PLN: variants seen among roughly 807,000 people sequenced by gnomAD.
PLN encodes phospholamban.
A neutral mutation model predicts 3.9 loss-of-function variants in PLN; 1 was observed. The ratio of observed to expected loss-of-function variants is 0.26; its 90% CI spans 0.09 to 1.23. The LOEUF (loss-of-function observed/expected upper bound fraction) is 1.23. Ranked by LOEUF, PLN falls within the 50% of genes most tolerant of loss-of-function variation. The probability of loss-of-function intolerance (pLI) is 0.48; values close to 1 mark genes in which losing one functional copy is unlikely to be tolerated. For missense variants in PLN, 59 were observed against 62.7 expected (o/e 0.94, Z 0.20); for synonymous variants, 21 against 20.5 (o/e 1.02, Z -0.07).
Position 118,560,471 on chromosome 6 carries a change from G to A in PLN, c.*1391G>A, listed in dbSNP as rs1779160699. ...TCTTCACATTGAGTAGGCAGAGGAG[G>A]AGAAAGATGGGGAGGAAGAGAAGGC... On this transcript the variant is annotated 3_prime_UTR_variant, in exon 2 of 2. Coordinates refer to ENST00000357525, the MANE Select transcript of PLN (RefSeq NM_002667.5). The A allele has an allele frequency of 6.0e-6, 1 of 167,034 alleles. No homozygotes were observed. Among genetic ancestry groups the A allele is most frequent in the African/African-American group, 2.4e-5 (1 of 41,444 alleles). 10.3% of individuals were successfully genotyped at this position (167,034 alleles called of 1,614,324 possible). A position where few individuals can be genotyped will look rare whatever the true frequency, so the allele number is the denominator to read the frequency against.
intron 1 of PLN, 21 bp from the exon 2 acceptor site, chr6:118,558,804 T>A: frequency 1.3e-6 from 1 of 743,034 alleles, no homozygotes; most frequent in Non-Finnish European, 2.4e-6. Context: ...TTCTAATCCA[T>A]TTATTATTTT....
intron 1 of PLN, among the ~76,000 whole-genome samples, chr6:118,557,247 C>T (rs1562258163): frequency 2.6e-5 from 4 of 152,120 alleles, no homozygotes; most frequent in Non-Finnish European, 5.9e-5. Flanking sequence ...ATCCAGGGAA[C>T]AATTTGTTGT....
rs774556120 is a variant in PLN, at chr6:118,558,957, A to G, written c.36A>G (p.Ile12Met). ...EKVQYLTRSA[I>M]RRASTIEMPQ... Reference sequence around the variant, plus strand: ...TCCAATACCTCACTCGCTCAGCTATAAGAAGAGCCTCAACCATTGAAATGC... The same window carrying G: ...TCCAATACCTCACTCGCTCAGCTATGAGAAGAGCCTCAACCATTGAAATGC... Residue 12 changes from isoleucine (I) to methionine (M), a missense_variant, in exon 2 of 2, where the codon ATA becomes ATG. By Grantham distance (10) the Ile-to-Met change is conservative. Coordinates refer to ENST00000357525, the MANE Select transcript of PLN (RefSeq NM_002667.5). 3.1e-6 allele frequency: 5 copies of G among 1,613,544 alleles called. No homozygotes were observed. The East Asian group carries it at 1.1e-4, about 36-fold the overall frequency.
At chr6:118,553,128 T>C (rs1218448488) in intron 1 of PLN, among the ~76,000 whole-genome samples, 1 of 150,830 alleles carries the variant, frequency 6.6e-6, no homozygotes, top group Non-Finnish European at 1.5e-5. Flanking sequence ...TCTAAAAAGA[T>C]CAGATAACAT....
chr6:118,559,976 G>C lies in PLN; in HGVS notation c.*896G>C. On this transcript the variant is annotated 3_prime_UTR_variant, in exon 2 of 2. Transcript: ENST00000357525. ...TATCTTTGGAATCATGAAACCTTAA[G>C]ACTTCAGAATGATTTTGCAGGTTGT... The C allele has an allele frequency of 6.0e-6, 1 of 167,138 alleles. No individual in the cohort carries two copies. 10.4% of individuals were successfully genotyped at this position (167,138 alleles called of 1,614,324 possible). A position where few individuals can be genotyped will look rare whatever the true frequency, so the allele number is the denominator to read the frequency against.
Position 118,560,864 on chromosome 6 carries a change from A to G in PLN, c.*1784A>G, listed in dbSNP as rs944736758. The G allele has an allele frequency of 4.6e-5, 7 of 152,506 alleles. No homozygotes were observed. The highest frequency in any genetic ancestry group is 3.9e-4 in the Admixed American group (6 of 15,290). The allele number at this position is 152,506 out of a possible 1,614,324, so 9.4% of individuals were successfully genotyped here. A position where few individuals can be genotyped will look rare whatever the true frequency, so the allele number is the denominator to read the frequency against. ...GACTAAAGTTTAAAATTAAGTCTAA[A>G]ATAGTTTACACCTATACTGCATAAT... On this transcript the variant is annotated 3_prime_UTR_variant, in exon 2 of 2. Transcript: ENST00000357525.
In PLN at chr6:118,560,374, A is replaced by C. The variant is rs951182196; in HGVS notation, c.*1294A>C. On this transcript the variant is annotated 3_prime_UTR_variant, in exon 2 of 2. Transcript: ENST00000357525. ...TAGAGAAAATGTTATTTAGAAAATC[A>C]TAAGAAAGAGAAAATATATTTACTA... 1 of 167,008 alleles carries C rather than the reference A, an allele frequency of 6.0e-6. No homozygotes were observed. Among genetic ancestry groups the C allele is most frequent in the Non-Finnish European group, 1.5e-5 (1 of 68,128 alleles). The allele number at this position is 167,008 out of a possible 1,614,324, so 10.3% of individuals were successfully genotyped here. A position where few individuals can be genotyped will look rare whatever the true frequency, so the allele number is the denominator to read the frequency against.
At chr6:118,555,660 C>T (rs985340299) in intron 1 of PLN, among the ~76,000 whole-genome samples, 20 of 152,030 alleles carry the variant, frequency 1.3e-4, no homozygotes, top group Non-Finnish European at 2.2e-4. Context: ...TTATTTTTAA[C>T]TTTTGTTTTA....
chr6:118,554,237 C>T (rs1022239925), intron 1 of PLN, among the ~76,000 whole-genome samples: 3 of 152,020 alleles, frequency 2.0e-5, no homozygotes, highest in African/African-American at 7.3e-5. Flanking sequence ...CAGTGAGCCA[C>T]GATTGCACAA....
At position 118,559,971 on chromosome 6, in the gene PLN, C is replaced by T. The variant is rs886061004; in HGVS notation, c.*891C>T. ...TACTATATCTTTGGAATCATGAAAC[C>T]TTAAGACTTCAGAATGATTTTGCAG... On this transcript the variant is annotated 3_prime_UTR_variant, in exon 2 of 2. Transcript: ENST00000357525. 5 of 167,016 alleles carry T rather than the reference C, an allele frequency of 3.0e-5. No homozygotes were observed. The highest frequency in any genetic ancestry group is 2.0e-4 in the Admixed American group (3 of 15,268). The allele number at this position is 167,016 out of a possible 1,614,324, so 10.3% of individuals were successfully genotyped here. A position where few individuals can be genotyped will look rare whatever the true frequency, so the allele number is the denominator to read the frequency against.
chr6:118,550,912 T>C (rs1583028044), intron 1 of PLN, among the ~76,000 whole-genome samples: 1 of 151,734 alleles, frequency 6.6e-6, no homozygotes, highest in Non-Finnish European at 1.5e-5. Flanking sequence ...AAACCAGAAA[T>C]ATACGAAAAT....
chr6:118,552,347 G>C (rs141386776), intron 1 of PLN, among the ~76,000 whole-genome samples: 6 of 152,012 alleles, frequency 3.9e-5, no homozygotes, highest in Admixed American at 6.6e-5. Flanking sequence ...AGTATAGATG[G>C]AGATTAATGC....
chr6:118,550,676 C>T (rs1271816623), intron 1 of PLN, among the ~76,000 whole-genome samples: 1 of 151,870 alleles, frequency 6.6e-6, no homozygotes, highest in African/African-American at 2.4e-5. Context: ...AAGCCACATG[C>T]ACATCCTCTA....
chr6:118,555,221 G>A (rs1176906777), intron 1 of PLN, among the ~76,000 whole-genome samples: 2 of 152,042 alleles, frequency 1.3e-5, no homozygotes, highest in Non-Finnish European at 2.9e-5. Context: ...CACGAGGTCG[G>A]GAGATCGAGA....
chr6:118,556,418 T>C (rs1400176328), intron 1 of PLN, among the ~76,000 whole-genome samples: 4 of 152,306 alleles, frequency 2.6e-5, no homozygotes, highest in South Asian at 4.1e-4. Context: ...AAATGCCCAG[T>C]CTACTATATA....
chr6:118,554,599 C>T (rs1195730513), intron 1 of PLN, among the ~76,000 whole-genome samples: 1 of 152,132 alleles, frequency 6.6e-6, no homozygotes, highest in African/African-American at 2.4e-5. Context: ...AACTATCAGT[C>T]TAGCTGGGGA....
rs761056344 is a variant in PLN at position 118,558,994 on chromosome 6, C to T, written c.73C>T (p.Arg25Cys). Residue 25 changes from arginine (R) to cysteine (C), a missense_variant, in exon 2 of 2, where the codon CGT becomes TGT. Transcript: ENST00000357525. ...AACCATTGAAATGCCTCAACAAGCA[C>T]GTCAAAAGCTACAGAATCTATTTAT... ...ASTIEMPQQA[R>C]QKLQNLFINF... The T allele has an allele frequency of 1.2e-5, 19 of 1,609,908 alleles. No homozygotes were observed. The highest frequency in any genetic ancestry group is 1.2e-4 in the Admixed American group (7 of 59,992).
In PLN at chr6:118,560,213, T is replaced by G. The variant is rs879001246; in HGVS notation, c.*1133T>G. The G allele has an allele frequency of 4.8e-5, 8 of 167,128 alleles. No individual in the cohort carries two copies. In the South Asian group the frequency reaches 1.7e-3, roughly 35 times the overall value. The allele number at this position is 167,128 out of a possible 1,614,324, so 10.4% of individuals were successfully genotyped here. A position where few individuals can be genotyped will look rare whatever the true frequency, so the allele number is the denominator to read the frequency against. On this transcript the variant is annotated 3_prime_UTR_variant, in exon 2 of 2. Transcript: ENST00000357525. The stretch of plus-strand genomic sequence containing the variant: ...ACATGGGGGTTAGGGGAGCTGACAA[T>G]TCGTGGGTCCGCAAAATCTTAACTA...
intron 1 of PLN, among the ~76,000 whole-genome samples, chr6:118,552,749 C>A (rs955037018): frequency 6.6e-6 from 1 of 151,870 alleles, no homozygotes; most frequent in Non-Finnish European, 1.5e-5. Flanking sequence ...GTAAAGAATT[C>A]TTTATTTTTA....
Sources: gnomAD v4.1 joint callset for allele counts (sites outside exome capture counted in the v4.1 genomes callset) on GRCh38, gnomAD v4.1.1 for gene constraint, MANE v1.5 for transcripts, NCBI Gene and HGNC (gene_info 2026-07-23, HGNC 2026-07-21) for gene names.